SLC7A1: variants seen among roughly 807,000 people sequenced by gnomAD.
The protein encoded by SLC7A1 is solute carrier family 7 member 1.
SLC7A1 carries 10 observed loss-of-function variants against 53.9 expected under a neutral mutation model. The observed-to-expected ratio is 0.19, with a 90% CI of 0.11 to 0.31. The LOEUF is 0.31. Ranked by LOEUF, SLC7A1 falls within the 10% of genes least tolerant of loss-of-function variation. The pLI is 1.00. For synonymous variants in SLC7A1, 342 were observed against 338.7 expected (o/e 1.01, Z -0.11); for missense variants, 525 against 827.2 (o/e 0.63, Z 4.48).
At chr13:29,556,250 C>A (rs1464051901) in intron 1 of SLC7A1, among the ~76,000 whole-genome samples, 1 of 152,060 alleles carries the variant, frequency 6.6e-6, no homozygotes, top group Non-Finnish European at 1.5e-5. Flanking sequence ...CCACTCTTCT[C>A]ACTGATTTTT....
In SLC7A1 at chr13:29,588,064, G is replaced by C. The variant is rs187640372; in HGVS notation, c.-115+7352C>G. On this transcript the variant is annotated intron_variant, in intron 1 of 12. Coordinates refer to ENST00000380752, the MANE Select transcript of SLC7A1 (RefSeq NM_003045.5). ...TCCACAACAAACATTCTAACTTTTA[G>C]AAACACTTTTTCTTAAAAAGGCTTA... 1.2e-4 allele frequency among the ~76,000 whole-genome samples: 18 copies of C among 152,194 alleles called. No homozygotes were observed. The East Asian group carries it at 3.3e-3, about 28-fold the overall frequency.
At chr13:29,584,669 A>C (rs531892791) in intron 1 of SLC7A1, among the ~76,000 whole-genome samples, 5 of 152,286 alleles carry the variant, frequency 3.3e-5, no homozygotes, top group African/African-American at 1.2e-4. Context: ...CCCTTGATTT[A>C]CAATTGTTTT....
Position 29,536,655 on chromosome 13 carries a change from T to C in SLC7A1, c.-14-453A>G, listed in dbSNP as rs78357580. Among the ~76,000 whole-genome samples the C allele has an allele frequency of 9.8e-4, 149 of 152,314 alleles. 4 individuals carry two copies. In the East Asian group the frequency reaches 0.027, roughly 27 times the overall value. ...TTCATTACTAAATTAAATTATTAAA[T>C]TATTAAAACTCAGAGGCCCTGAATG... On this transcript the variant is annotated intron_variant, in intron 2 of 12. Transcript: ENST00000380752.
Position 29,553,873 on chromosome 13 carries a change from G to C in SLC7A1, c.-114-13C>G, listed in dbSNP as rs1870309998. ...AGGTTTCAGAATCCTGAAAGGCAAGGAAGAGCCATCAGATATGTTCAGTTT... is the reference window on the plus strand; with the variant it reads ...AGGTTTCAGAATCCTGAAAGGCAAGCAAGAGCCATCAGATATGTTCAGTTT... On this transcript the variant is annotated splice_polypyrimidine_tract_variant and intron_variant, in intron 1 of 12. Transcript: ENST00000380752. The C allele has an allele frequency of 7.0e-6, 1 of 143,612 alleles. No homozygotes were observed. Among genetic ancestry groups the C allele is most frequent in the Non-Finnish European group, 1.5e-5 (1 of 67,994 alleles). 8.9% of individuals were successfully genotyped at this position (143,612 alleles called of 1,614,324 possible).
At chr13:29,567,192 G>A (rs527581070) in intron 1 of SLC7A1, among the ~76,000 whole-genome samples, 2 of 152,292 alleles carry the variant, frequency 1.3e-5, no homozygotes, top group South Asian at 2.1e-4. Context: ...GTGACAGGGC[G>A]CAGAATAATA....
chr13:29,554,806 C>G (rs1448671502), intron 1 of SLC7A1, among the ~76,000 whole-genome samples: 5 of 152,218 alleles, frequency 3.3e-5, no homozygotes, highest in Non-Finnish European at 5.9e-5. Context: ...CTATTCCCAC[C>G]TACATCGTCT....
intron 2 of SLC7A1, among the ~76,000 whole-genome samples, chr13:29,544,086 G>A (rs1311542540): frequency 1.3e-5 from 2 of 152,158 alleles, no homozygotes; most frequent in Admixed American, 1.3e-4. Context: ...CCACGAAGAG[G>A]CCCAAACAAA....
chr13:29,574,308 T>C (rs1465897241), intron 1 of SLC7A1, among the ~76,000 whole-genome samples: 2 of 152,190 alleles, frequency 1.3e-5, no homozygotes, highest in African/African-American at 4.8e-5. Context: ...CCTTGCAACT[T>C]CCAGAAAGGC....
In SLC7A1 at chr13:29,516,235, C is replaced by T; in HGVS notation, c.1689G>A (p.Leu563=). 1 of 1,612,186 alleles carries T rather than the reference C, an allele frequency of 6.2e-7. No individual in the cohort carries two copies. The highest frequency in any genetic ancestry group is 1.3e-5 in the African/African-American group (1 of 75,040). The change falls in exon 12 of 13, where the codon CTG becomes CTA. Residue 563 remains leucine (L), a synonymous_variant. Coordinates refer to ENST00000380752, the MANE Select transcript of SLC7A1 (RefSeq NM_003045.5). ...KTKLSFKVPF[L]PVLPILSIFV... is the part of the protein sequence containing the mutation. ...AGATGCTCAGGATGGGGAGCACTGG[C>T]AGGAAGGGAACCTGAAGAGACAGGA... is the stretch of plus-strand genomic sequence containing the variant.
chr13:29,564,169 G>A (rs186059045), intron 1 of SLC7A1, among the ~76,000 whole-genome samples: 186 of 152,214 alleles, frequency 1.2e-3, no homozygotes, highest in Non-Finnish European at 1.8e-3. Context: ...GTCATTTCCC[G>A]CCTTCCATTT....
At chr13:29,578,223 C>T (rs907341311) in intron 1 of SLC7A1, among the ~76,000 whole-genome samples, 1 of 152,136 alleles carries the variant, frequency 6.6e-6, no homozygotes, top group Non-Finnish European at 1.5e-5. Flanking sequence ...TAGCACAACC[C>T]TTATCAGATT....
intron 1 of SLC7A1, among the ~76,000 whole-genome samples, chr13:29,560,076 G>T (rs1336229091): frequency 6.6e-6 from 1 of 152,026 alleles, no homozygotes; most frequent in Non-Finnish European, 1.5e-5. Flanking sequence ...ACATTACACA[G>T]AAGTACAAAA....
intron 1 of SLC7A1, among the ~76,000 whole-genome samples, chr13:29,594,565 T>C (rs534335929): frequency 3.5e-4 from 54 of 152,370 alleles, no homozygotes; most frequent in Admixed American, 3.3e-3. Context: ...AGAATGACTC[T>C]GACCTGCCCA....
Position 29,512,341 on chromosome 13 carries a change from G to C in SLC7A1, c.*2139C>G. On this transcript the variant is annotated 3_prime_UTR_variant, in exon 13 of 13. Coordinates refer to ENST00000380752, the MANE Select transcript of SLC7A1 (RefSeq NM_003045.5). ...TGTCATGATGAGACTTGGAGCAGGG[G>C]AGACGCACCTTCTCAATCTACAAAA... 1 of 152,196 alleles carries C rather than the reference G, an allele frequency of 6.6e-6. No homozygotes were observed. The highest frequency in any genetic ancestry group is 1.5e-5 in the Non-Finnish European group (1 of 68,044). The allele number at this position is 152,196 out of a possible 1,614,324, so 9.4% of individuals were successfully genotyped here. A position where few individuals can be genotyped will look rare whatever the true frequency, so the allele number is the denominator to read the frequency against.
intron 1 of SLC7A1, among the ~76,000 whole-genome samples, chr13:29,565,159 T>G (rs574913125): frequency 3.3e-5 from 5 of 152,372 alleles, no homozygotes; most frequent in Middle Eastern, 3.4e-3. Context: ...GCATCCATCC[T>G]GAATTAGGAT....
chr13:29,557,217 A>C (rs1870476322), intron 1 of SLC7A1, among the ~76,000 whole-genome samples: 2 of 152,242 alleles, frequency 1.3e-5, no homozygotes, highest in South Asian at 2.1e-4. Flanking sequence ...CAGCATTCCA[A>C]CACTACTCTT....
chr13:29,564,046 G>A (rs573105922), intron 1 of SLC7A1, among the ~76,000 whole-genome samples: 1 of 152,194 alleles, frequency 6.6e-6, no homozygotes, highest in African/African-American at 2.4e-5. Flanking sequence ...ATCCTCTCAA[G>A]ATGGTAAAAG....
chr13:29,543,209 A>G (rs752155283), intron 2 of SLC7A1, among the ~76,000 whole-genome samples: 7 of 152,220 alleles, frequency 4.6e-5, no homozygotes, highest in Non-Finnish European at 7.3e-5. Flanking sequence ...GTCTGTCTCA[A>G]AAGGCCACTA....
chr13:29,578,775 C>T (rs1871518765), intron 1 of SLC7A1, among the ~76,000 whole-genome samples: 3 of 152,260 alleles, frequency 2.0e-5, no homozygotes, highest in Non-Finnish European at 4.4e-5. Context: ...TCCCTCAATA[C>T]CCCGGCTCCC....
Sources: gnomAD v4.1 joint callset for allele counts (sites outside exome capture counted in the v4.1 genomes callset) on GRCh38, gnomAD v4.1.1 for gene constraint, MANE v1.5 for transcripts, NCBI Gene and HGNC (gene_info 2026-07-23, HGNC 2026-07-21) for gene names.